The following NRG1 variants were observed in gnomAD, a reference collection of about 807,000 sequenced individuals.
NRG1 encodes the protein pro-neuregulin-1, membrane-bound isoform.
NRG1 carries 18 observed loss-of-function variants against 63.8 expected under a neutral mutation model. The observed-to-expected ratio is 0.28, with a 90% CI of 0.19 to 0.42. NRG1 has a LOEUF of 0.42. Among genes scored for constraint, NRG1 ranks in the 10% least tolerant of loss-of-function variants. The pLI is 1.00. For synonymous variants in NRG1, 302 were observed against 301.3 expected, an observed-to-expected ratio of 1.00 and a Z score of -0.02; for missense variants, 762 against 814.7, an observed-to-expected ratio of 0.94 and a Z score of 0.79.
chr8:32,353,617 A>G (rs1329494699), intron 1 of NRG1, among the ~76,000 whole-genome samples: 2 of 152,214 alleles, frequency 1.3e-5, no homozygotes, highest in Non-Finnish European at 2.9e-5. Flanking sequence ...CTAAAATGAG[A>G]TTCTTCTAAA....
intron 1 of NRG1, among the ~76,000 whole-genome samples, chr8:31,930,617 G>A (rs1834779743): frequency 6.6e-6 from 1 of 152,184 alleles, no homozygotes; most frequent in Non-Finnish European, 1.5e-5. Flanking sequence ...GATGTTAGTT[G>A]AGGGGAAAAG....
chr8:31,855,108 T>C (rs1161656292), intron 1 of NRG1, among the ~76,000 whole-genome samples: 1 of 151,912 alleles, frequency 6.6e-6, no homozygotes, highest in Admixed American at 6.6e-5. Context: ...GGTGGAGAGT[T>C]CTGTAGATGT....
chr8:31,764,135 T>C (rs1817826860), intron 1 of NRG1, among the ~76,000 whole-genome samples: 1 of 152,178 alleles, frequency 6.6e-6, no homozygotes, highest in South Asian at 2.1e-4. Flanking sequence ...GTCTTGCCTC[T>C]TGTCTTTGAC....
At chr8:32,572,505 G>A (rs532868621) in intron 1 of NRG1, among the ~76,000 whole-genome samples, 13 of 152,200 alleles carry the variant, frequency 8.5e-5, no homozygotes, top group South Asian at 8.3e-4. Flanking sequence ...GCATAGTGTC[G>A]TCTTAACTGC....
intron 1 of NRG1, among the ~76,000 whole-genome samples, chr8:32,521,044 T>G (rs1054659786): frequency 2.0e-5 from 3 of 152,210 alleles, no homozygotes; most frequent in African/African-American, 4.8e-5. Flanking sequence ...TTCTTTTTTA[T>G]TATTAAGTAT....
chr8:32,307,457 T>C (rs1029431532), intron 1 of NRG1, among the ~76,000 whole-genome samples: 2 of 236 alleles, frequency 8.5e-3, no homozygotes, highest in Non-Finnish European at 0.019. Flanking sequence ...CAGAGGTGTT[T>C]GTTTGTCTTA....
intron 1 of NRG1, among the ~76,000 whole-genome samples, chr8:32,301,911 G>A (rs986545254): frequency 6.6e-6 from 1 of 152,068 alleles, no homozygotes; most frequent in African/African-American, 2.4e-5. Flanking sequence ...CAAAACAGAG[G>A]GGAAAAGTAT....
chr8:31,948,931 G>T (rs185405265), intron 1 of NRG1, among the ~76,000 whole-genome samples: 2 of 152,062 alleles, frequency 1.3e-5, no homozygotes, highest in African/African-American at 4.8e-5. Context: ...ATTAGAATGC[G>T]CTGTGTATAT....
At chr8:32,040,696 G>T (rs1194570979) in intron 1 of NRG1, among the ~76,000 whole-genome samples, 2 of 56,146 alleles carry the variant, frequency 3.6e-5, no homozygotes, top group East Asian at 4.1e-4. Context: ...TATAAATTTA[G>T]TTCTGAAATT....
chr8:32,118,353 T>C (rs1169527355), intron 1 of NRG1, among the ~76,000 whole-genome samples: 1 of 151,272 alleles, frequency 6.6e-6, no homozygotes, highest in Non-Finnish European at 1.5e-5. Flanking sequence ...TGGTTCCTCT[T>C]CCCCCTCTCT....
At chr8:32,299,298 T>C (rs961399736) in intron 1 of NRG1, among the ~76,000 whole-genome samples, 1 of 152,148 alleles carries the variant, frequency 6.6e-6, no homozygotes, top group South Asian at 2.1e-4. Flanking sequence ...CATGTTTGCT[T>C]TCTGCTGGAA....
rs775066540 is a variant in NRG1 at position 32,647,772 on chromosome 8, C to A, written c.502+30887C>A. The stretch of plus-strand genomic sequence containing the variant: ...GGTCGCCGCCGAGAGGTCCTCCAGC[C>A]CCTCCACTCAGCTGAGTGCAGACCC... On this transcript the variant is annotated intron_variant, in intron 5 of 11. Coordinates refer to ENST00000356819, the Ensembl canonical transcript of NRG1. The A allele has an allele frequency of 2.4e-5, 39 of 1,608,188 alleles. No individual in the cohort carries two copies. The Admixed American group carries it at 6.2e-4, about 26-fold the overall frequency.
At chr8:32,407,283 A>G (rs1475357092) in intron 1 of NRG1, among the ~76,000 whole-genome samples, 10 of 70,288 alleles carry the variant, frequency 1.4e-4, no homozygotes, top group African/African-American at 4.1e-4. Context: ...TATTATATAT[A>G]TATATATATA....
intron 1 of NRG1, among the ~76,000 whole-genome samples, chr8:32,346,996 C>CT (rs1427139540): frequency 6.6e-6 from 1 of 151,712 alleles, no homozygotes; most frequent in African/African-American, 2.4e-5. Context: ...CGCCTGGCTA[C>CT]TTTTTTATAT....
chr8:32,629,191 A>G (rs1050812274), intron 5 of NRG1, among the ~76,000 whole-genome samples: 4 of 152,194 alleles, frequency 2.6e-5, no homozygotes, highest in Non-Finnish European at 4.4e-5. Context: ...TGTCCAATCA[A>G]GGAGTAAAAT....
In NRG1 at chr8:32,604,428, A is replaced by G. The variant is rs562247880; in HGVS notation, c.279-1134A>G. On this transcript the variant is annotated intron_variant, in intron 2 of 11. Transcript: ENST00000356819. Reference sequence around the variant, plus strand: ...AGACCAGAAAATTCACCAGAAAACTAGCAAAGTATAACGTGGGAGATTTGC... The same window carrying G: ...AGACCAGAAAATTCACCAGAAAACTGGCAAAGTATAACGTGGGAGATTTGC... Among the ~76,000 whole-genome samples the G allele has an allele frequency of 1.6e-4, 25 of 152,286 alleles. No individual in the cohort carries two copies. The South Asian group carries it at 4.1e-3, about 25-fold the overall frequency.
At chr8:31,751,198 A>G (rs1816423367) in intron 1 of NRG1, among the ~76,000 whole-genome samples, 3 of 151,936 alleles carry the variant, frequency 2.0e-5, no homozygotes, top group African/African-American at 7.2e-5. Context: ...ACAGTTTAAT[A>G]CTCTTTGCAA....
At chr8:32,737,236 G>A (rs1825294712) in intron 6 of NRG1, among the ~76,000 whole-genome samples, 1 of 152,124 alleles carries the variant, frequency 6.6e-6, no homozygotes, top group Non-Finnish European at 1.5e-5. Flanking sequence ...ACTGTGAGAA[G>A]GATACTGGGA....
intron 1 of NRG1, among the ~76,000 whole-genome samples, chr8:32,203,528 C>CT (rs1586062152): frequency 6.6e-6 from 1 of 151,822 alleles, no homozygotes; most frequent in African/African-American, 2.4e-5. Flanking sequence ...CACCAGCTAA[C>CT]TTTTTTTATT....
Sources: allele counts gnomAD v4.1 joint callset (sites outside exome capture counted in the v4.1 genomes callset), GRCh38; gene constraint gnomAD v4.1.1; transcripts MANE v1.5; gene names NCBI Gene and HGNC (gene_info 2026-07-23, HGNC 2026-07-21).